CACNB4: variants seen among roughly 807,000 people sequenced by gnomAD.
CACNB4 encodes the protein calcium voltage-gated channel auxiliary subunit beta 4, also known as voltage-dependent L-type calcium channel subunit beta-4.
A neutral mutation model predicts 71.2 loss-of-function variants in CACNB4; 32 were observed. That is an observed-to-expected ratio of 0.45 (90% CI 0.34 to 0.60). The LOEUF (loss-of-function observed/expected upper bound fraction) is 0.60. CACNB4 is among the 20% of genes least tolerant of loss of function. The probability of loss-of-function intolerance (pLI) is 0.01; values close to 1 mark genes in which losing one functional copy is unlikely to be tolerated. For missense variants in CACNB4, 464 were observed against 647.9 expected (o/e 0.72, Z 3.08); for synonymous variants, 231 against 236.9 (o/e 0.97, Z 0.23).
intron 2 of CACNB4, among the ~76,000 whole-genome samples, chr2:152,075,770 T>A (rs569611598): frequency 6.8e-4 from 103 of 152,190 alleles, no homozygotes; most frequent in African/African-American, 2.4e-3. Flanking sequence ...CTAAAAGATC[T>A]CAACTACAGG....
At chr2:151,885,470 C>T (rs2461835) in intron 2 of CACNB4, among the ~76,000 whole-genome samples, 73,123 of 152,134 alleles carry the variant, frequency 0.48, 21,939 homozygotes, top group Non-Finnish European at 0.67. Flanking sequence ...CATTAAAATA[C>T]CTACTCCAGG....
In CACNB4 at chr2:152,098,507, G is replaced by T; in HGVS notation, c.64-94C>A. The T allele has an allele frequency of 7.3e-7, 1 of 1,364,016 alleles. No homozygotes were observed. The highest frequency in any genetic ancestry group is 1.0e-6 in the Non-Finnish European group (1 of 955,702). The allele number at this position is 1,364,016 out of a possible 1,614,324, so 84.5% of individuals were successfully genotyped here. ...CCGGCTGGAGTCCGCCTCCGGACCC[G>T]CTCCCTGGGGTCCCCTAGAGCCCGC... On this transcript the variant is annotated intron_variant, in intron 1 of 13. Coordinates refer to ENST00000539935, the MANE Select transcript of CACNB4 (RefSeq NM_000726.5). This position sits in a 1 kb window ranked among gnomAD's most constrained non-coding sequence, Gnocchi z 5.3.
chr2:152,012,846 T>A (rs1192353077), intron 2 of CACNB4, among the ~76,000 whole-genome samples: 1 of 152,136 alleles, frequency 6.6e-6, no homozygotes, highest in Non-Finnish European at 1.5e-5. Context: ...AGGGATAAAG[T>A]CTACAGTAGT....
chr2:151,947,578 T>C (rs1285531750), intron 2 of CACNB4, among the ~76,000 whole-genome samples: 1 of 152,152 alleles, frequency 6.6e-6, no homozygotes, highest in African/African-American at 2.4e-5. Flanking sequence ...AGAATGTCTA[T>C]GCACTTTTCA....
chr2:151,987,219 C>T (rs1444011201), intron 2 of CACNB4, among the ~76,000 whole-genome samples: 1 of 152,196 alleles, frequency 6.6e-6, no homozygotes, highest in Non-Finnish European at 1.5e-5. Flanking sequence ...CCACCTTGAG[C>T]TCTTGGTACA....
chr2:152,004,278 C>T (rs1178532336), intron 2 of CACNB4, among the ~76,000 whole-genome samples: 7 of 152,148 alleles, frequency 4.6e-5, no homozygotes, highest in Admixed American at 4.6e-4. Flanking sequence ...CCTCTACCTA[C>T]CCACTGCCCT....
intron 11 of CACNB4, 164 bp from the exon 12 acceptor site, chr2:151,853,707 T>A (rs926177820): frequency 1.6e-5 from 8 of 511,450 alleles, no homozygotes; most frequent in Admixed American, 4.2e-5. Flanking sequence ...TCTGCTTACA[T>A]TGGCTCTCAG....
intron 2 of CACNB4, among the ~76,000 whole-genome samples, chr2:151,899,738 C>A (rs974860911): frequency 6.6e-6 from 1 of 152,134 alleles, no homozygotes; most frequent in Non-Finnish European, 1.5e-5. Flanking sequence ...CCTAACAACA[C>A]TAGGTCATGT....
intron 2 of CACNB4, among the ~76,000 whole-genome samples, chr2:151,930,261 C>G (rs982934692): frequency 3.9e-5 from 6 of 152,018 alleles, no homozygotes; most frequent in Admixed American, 3.9e-4. Context: ...AAGGAGATGA[C>G]AGATTAATGA....
intron 2 of CACNB4, among the ~76,000 whole-genome samples, chr2:151,906,851 A>T (rs1315593128): frequency 1.3e-5 from 2 of 152,162 alleles, no homozygotes; most frequent in African/African-American, 4.8e-5. Flanking sequence ...TCTTTGGTAC[A>T]TTCATCCTAA....
chr2:151,903,575 G>A (rs1477041874), intron 2 of CACNB4, among the ~76,000 whole-genome samples: 1 of 152,120 alleles, frequency 6.6e-6, no homozygotes, highest in Non-Finnish European at 1.5e-5. Context: ...CACTATTAAA[G>A]TGACATTTGA....
At chr2:151,861,854 A>AAAAAAAAAAAAACAAAAAAAAAAAC (rs1559883066) in intron 9 of CACNB4, 2 of 150,118 alleles carry the variant, frequency 1.3e-5, no homozygotes, top group African/African-American at 5.0e-5. Context: ...AAAAAAAAAA[A>AAAAAAAAAAAAACAAAAAAAAAAAC]AAAACTGAAG....
intron 10 of CACNB4, chr2:151,858,285 C>A (rs1385047253): frequency 6.6e-6 from 1 of 152,150 alleles, no homozygotes; most frequent in Non-Finnish European, 1.5e-5. Flanking sequence ...ATCCCTGTCA[C>A]AAATTATATC....
At chr2:151,964,982 A>G (rs1248754300) in intron 2 of CACNB4, among the ~76,000 whole-genome samples, 1 of 152,144 alleles carries the variant, frequency 6.6e-6, no homozygotes, top group African/African-American at 2.4e-5. Context: ...TTCCGTTCCT[A>G]TATTCGAAGC....
At chr2:152,026,675 C>T (rs1042125198) in intron 2 of CACNB4, among the ~76,000 whole-genome samples, 1 of 152,074 alleles carries the variant, frequency 6.6e-6, no homozygotes, top group African/African-American at 2.4e-5. Flanking sequence ...CCACTGCACT[C>T]GGCCTCCACT....
chr2:151,876,335 A>G (rs2099846237), intron 5 of CACNB4, 91 bp downstream of exon 5: 2 of 1,114,442 alleles, frequency 1.8e-6, no homozygotes, highest in East Asian at 5.3e-5. Flanking sequence ...TGCACACAGA[A>G]AAGTATCTTC....
intron 2 of CACNB4, among the ~76,000 whole-genome samples, chr2:151,918,329 A>G (rs764558498): frequency 1.3e-5 from 2 of 152,228 alleles, no homozygotes; most frequent in Non-Finnish European, 2.9e-5. Flanking sequence ...GATCTATACA[A>G]TTTTGTCTTT....
chr2:151,870,223 T>C (rs903338809), intron 8 of CACNB4: 7 of 701,528 alleles, frequency 1.0e-5, no homozygotes, highest in African/African-American at 8.7e-5. Context: ...ATGAGAATGG[T>C]CAAGACAGAT....
intron 2 of CACNB4, among the ~76,000 whole-genome samples, chr2:151,997,317 G>A (rs950971287): frequency 1.3e-5 from 2 of 152,000 alleles, no homozygotes; most frequent in African/African-American, 2.4e-5. Flanking sequence ...GGCGGATCAC[G>A]AGGTCAGGAG....
Sources: gnomAD v4.1 joint callset for allele counts (sites outside exome capture counted in the v4.1 genomes callset) on GRCh38, gnomAD v4.1.1 for gene constraint, Gnocchi (gnomAD v3.1) non-coding constraint, MANE v1.5 for transcripts, NCBI Gene and HGNC (gene_info 2026-07-23, HGNC 2026-07-21) for gene names.